MYO5B: variants seen among roughly 807,000 people sequenced by gnomAD.
The protein encoded by MYO5B is myosin VB.
Under a neutral mutation model 229.3 loss-of-function variants are expected in MYO5B, and 143 were observed. That is an observed-to-expected ratio of 0.62 (90% CI 0.54 to 0.72). The LOEUF is 0.72. Among genes scored for constraint, MYO5B ranks in the 30% least tolerant of loss-of-function variants. The probability of loss-of-function intolerance (pLI) is 0.00; values close to 1 mark genes in which losing one functional copy is unlikely to be tolerated. For missense variants in MYO5B, 2,321 were observed against 2,331.0 expected, an observed-to-expected ratio of 1.00 and a Z score of 0.09; for synonymous variants, 918 against 885.2, an observed-to-expected ratio of 1.04 and a Z score of -0.66.
chr18:50,126,709 A>C (rs1599040457), intron 1 of MYO5B: 1 of 154,030 alleles, frequency 6.5e-6, no homozygotes, highest in East Asian at 1.9e-4. Context: ...TGGGTCTCAG[A>C]ACAGCAGCAC....
At chr18:50,190,520 A>G (rs1276875096) in intron 1 of MYO5B, among the ~76,000 whole-genome samples, 2 of 152,240 alleles carry the variant, frequency 1.3e-5, no homozygotes, top group Non-Finnish European at 2.9e-5. Flanking sequence ...CTCCATCCAG[A>G]AAAACCTCAC....
rs771910947 is a variant in MYO5B, at chr18:49,962,380, T to C, written c.1431A>G (p.Glu477=). The stretch of plus-strand genomic sequence containing the variant: ...TCCAAGGGATCTGTTCCTTCATGTA[T>C]TCTTCTTGCTCCAGTTTGAAAACAT... ...NSHVFKLEQE[E]YMKEQIPWTL... The change falls in exon 12 of 40, where the codon GAA becomes GAG. Residue 477 remains glutamate, a synonymous_variant. Transcript: ENST00000285039. The C allele has an allele frequency of 7.4e-6, 12 of 1,614,082 alleles. No individual in the cohort carries two copies. The highest frequency in any genetic ancestry group is 7.6e-6 in the Non-Finnish European group (9 of 1,180,040).
chr18:49,956,424 A>G (rs1422449917), intron 12 of MYO5B, among the ~76,000 whole-genome samples: 1 of 152,238 alleles, frequency 6.6e-6, no homozygotes, highest in Non-Finnish European at 1.5e-5. Context: ...TTTTGCCATT[A>G]AATAGCAGAG....
chr18:49,947,926 A>G (rs1168658423), intron 14 of MYO5B, among the ~76,000 whole-genome samples: 2 of 152,214 alleles, frequency 1.3e-5, no homozygotes, highest in Admixed American at 6.5e-5. Flanking sequence ...ATCTGTATAC[A>G]TATGTATACA....
At chr18:49,847,903 G>C (rs377458464) in intron 32 of MYO5B, among the ~76,000 whole-genome samples, 8 of 152,332 alleles carry the variant, frequency 5.3e-5, no homozygotes, top group African/African-American at 1.9e-4. Flanking sequence ...TTCAGGTTTA[G>C]GAAGCTGCCA....
At chr18:49,932,071 C>A (rs543932050) in intron 16 of MYO5B, among the ~76,000 whole-genome samples, 1 of 152,316 alleles carries the variant, frequency 6.6e-6, no homozygotes, top group African/African-American at 2.4e-5. Flanking sequence ...TCTTCCAGGA[C>A]CTCCTACTGT....
chr18:50,070,237 T>A (rs2030923431), intron 1 of MYO5B, among the ~76,000 whole-genome samples: 1 of 152,038 alleles, frequency 6.6e-6, no homozygotes, highest in Non-Finnish European at 1.5e-5. Flanking sequence ...TTTACCAGGC[T>A]AGTCTTGAAC....
At chr18:49,958,559 G>A (rs1459877017) in intron 12 of MYO5B, among the ~76,000 whole-genome samples, 1 of 152,064 alleles carries the variant, frequency 6.6e-6, no homozygotes, top group Non-Finnish European at 1.5e-5. Context: ...TGGAACAAAG[G>A]TCTCCCTCCT....
chr18:50,023,761 G>A (rs1290680466), intron 4 of MYO5B, among the ~76,000 whole-genome samples: 1 of 152,136 alleles, frequency 6.6e-6, no homozygotes. Context: ...GTAGGTAGCA[G>A]GGCGGCTGGT....
intron 1 of MYO5B, among the ~76,000 whole-genome samples, chr18:50,095,237 A>G (rs2031527531): frequency 6.6e-6 from 1 of 152,160 alleles, no homozygotes. Flanking sequence ...AGTATCTTCT[A>G]TTGTCATAGT....
chr18:50,103,433 A>C (rs141763716), intron 1 of MYO5B, among the ~76,000 whole-genome samples: 85 of 152,014 alleles, frequency 5.6e-4, no homozygotes, highest in African/African-American at 2.0e-3. Context: ...GTCTCAATCC[A>C]TTTTTTTCTT....
chr18:50,000,670 T>C (rs1194617285), intron 5 of MYO5B, among the ~76,000 whole-genome samples: 2 of 152,160 alleles, frequency 1.3e-5, no homozygotes, highest in Non-Finnish European at 2.9e-5. Flanking sequence ...GTCCAGCCCC[T>C]ATCATGAAGG....
chr18:49,946,724 C>G (rs1403289363), intron 14 of MYO5B, among the ~76,000 whole-genome samples: 1 of 152,150 alleles, frequency 6.6e-6, no homozygotes. Flanking sequence ...ATTTGAAAAG[C>G]TAGGTTTTCC....
intron 17 of MYO5B, among the ~76,000 whole-genome samples, chr18:49,922,801 C>T (rs143221750): frequency 2.4e-4 from 37 of 152,148 alleles, no homozygotes; most frequent in African/African-American, 8.9e-4. Context: ...TACAAATACA[C>T]ATGTAAGTAT....
At chr18:49,999,202 T>C (rs1327245585) in intron 5 of MYO5B, among the ~76,000 whole-genome samples, 1 of 152,246 alleles carries the variant, frequency 6.6e-6, no homozygotes, top group African/African-American at 2.4e-5. Context: ...TAGTACACTA[T>C]GTCTCTGATA....
intron 1 of MYO5B, among the ~76,000 whole-genome samples, chr18:50,166,500 G>A (rs1221846899): frequency 6.6e-6 from 1 of 152,026 alleles, no homozygotes; most frequent in Non-Finnish European, 1.5e-5. Flanking sequence ...CTCAATTCTA[G>A]GCTATTATAG....
chr18:49,829,703 A>G (rs1241971311), intron 39 of MYO5B, among the ~76,000 whole-genome samples: 1 of 152,220 alleles, frequency 6.6e-6, no homozygotes, highest in Non-Finnish European at 1.5e-5. Context: ...TCAAGAAAAT[A>G]CTAGCAAACT....
chr18:50,071,065 C>T (rs72915758), intron 1 of MYO5B, among the ~76,000 whole-genome samples: 20,202 of 152,164 alleles, frequency 0.13, 1,444 homozygotes, highest in East Asian at 0.23. Flanking sequence ...CTCAAGCCAT[C>T]CTCCCGCCTT....
rs767136619 is a variant in MYO5B, at chr18:49,849,604, T to C, written c.4278A>G (p.Gln1426=). ...GGGCTTTCTTCATGTAAATCTTCAG[T>C]TGCTTTTTGAGCTTCCTCTCATTCT... The part of the protein sequence containing the change: ...LEKNERKLKK[Q]LKIYMKKAQD... The change falls in exon 32 of 40, where the codon CAA becomes CAG. Residue 1426 remains glutamine, a synonymous_variant. Transcript: ENST00000285039. The C allele has an allele frequency of 1.9e-6, 3 of 1,613,618 alleles. No homozygotes were observed. The highest frequency in any genetic ancestry group is 8.5e-7 in the Non-Finnish European group (1 of 1,179,926).
Sources: gnomAD v4.1 joint callset for allele counts (sites outside exome capture counted in the v4.1 genomes callset) on GRCh38, gnomAD v4.1.1 for gene constraint, MANE v1.5 for transcripts, NCBI Gene and HGNC (gene_info 2026-07-23, HGNC 2026-07-21) for gene names.